The following CSMD1 variants were observed in gnomAD, a reference collection of about 807,000 sequenced individuals.
CSMD1 encodes the protein CUB and sushi domain-containing protein 1.
CSMD1 carries 213 observed loss-of-function variants against 417.5 expected under a neutral mutation model. The ratio of observed to expected loss-of-function variants is 0.51; its 90% CI spans 0.46 to 0.57. The LOEUF (loss-of-function observed/expected upper bound fraction) is 0.57, where lower values mean the gene tolerates loss of function less well. Ranked by LOEUF, CSMD1 falls within the 20% of genes least tolerant of loss-of-function variation. The pLI, the probability that CSMD1 is intolerant of heterozygous loss-of-function variation, is 0.00. For synonymous variants in CSMD1, 2,862 were observed against 1,736.8 expected (o/e 1.65, Z -16.11); for missense variants, 6,923 against 4,529.7 (o/e 1.53, Z -15.17).
At chr8:3,911,212 C>T (rs1167496823) in intron 5 of CSMD1, among the ~76,000 whole-genome samples, 1 of 152,184 alleles carries the variant, frequency 6.6e-6, no homozygotes, top group African/African-American at 2.4e-5. Flanking sequence ...ATGTCAGCAT[C>T]TCTCTTGAAT....
At chr8:4,333,531 CA>C (rs1479437710) in intron 3 of CSMD1, among the ~76,000 whole-genome samples, 9 of 152,130 alleles carry the variant, frequency 5.9e-5, no homozygotes. Flanking sequence ...AGTGCTTAAA[CA>C]GTGAAATCAT....
intron 3 of CSMD1, among the ~76,000 whole-genome samples, chr8:4,328,242 AT>A (rs3067534): frequency 0.12 from 14,952 of 124,222 alleles, 353 homozygotes; most frequent in Admixed American, 0.14. Context: ...ACTCAATACA[AT>A]TTTTTTTTTT....
chr8:4,322,719 G>A (rs1476368054), intron 3 of CSMD1, among the ~76,000 whole-genome samples: 1 of 152,352 alleles, frequency 6.6e-6, no homozygotes, highest in Non-Finnish European at 1.5e-5. Context: ...GTAGGGGCCA[G>A]GCACGGGGCT....
At chr8:4,214,769 T>G (rs1426319767) in intron 3 of CSMD1, among the ~76,000 whole-genome samples, 1 of 152,180 alleles carries the variant, frequency 6.6e-6, no homozygotes, top group Non-Finnish European at 1.5e-5. Flanking sequence ...CTCTAAATGC[T>G]GTGATGCACA....
At chr8:3,785,496 T>C (rs1799409443) in intron 5 of CSMD1, among the ~76,000 whole-genome samples, 1 of 152,160 alleles carries the variant, frequency 6.6e-6, no homozygotes, top group Admixed American at 6.5e-5. Flanking sequence ...TGTTGGAAAA[T>C]ACATTAACGG....
At chr8:4,635,268 T>C (rs982270401) in intron 2 of CSMD1, among the ~76,000 whole-genome samples, 2 of 152,198 alleles carry the variant, frequency 1.3e-5, no homozygotes, top group African/African-American at 4.8e-5. Flanking sequence ...GGTATCAATT[T>C]ATTTACTGTT....
At position 4,793,954 on chromosome 8, in the gene CSMD1, T is replaced by G. The variant is rs150204136; in HGVS notation, c.86-156396A>C. Among the ~76,000 whole-genome samples, 641 of 152,256 alleles carry G rather than the reference T, an allele frequency of 4.2e-3. 8 individuals carry two copies. Among genetic ancestry groups the G allele is most frequent in the African/African-American group, 0.015 (624 of 41,558 alleles). On this transcript the variant is annotated intron_variant, in intron 1 of 69. Coordinates refer to ENST00000635120, the MANE Select transcript of CSMD1 (RefSeq NM_033225.6). ...GGTTTGTGTGAAAATGAACTGGCACTTCTGTTAGGAATAGTTAACTACAAA... is the reference window on the plus strand; with the variant it reads ...GGTTTGTGTGAAAATGAACTGGCACGTCTGTTAGGAATAGTTAACTACAAA...
intron 6 of CSMD1, among the ~76,000 whole-genome samples, chr8:3,713,851 A>T (rs1313511792): frequency 6.6e-6 from 1 of 152,222 alleles, no homozygotes; most frequent in Non-Finnish European, 1.5e-5. Flanking sequence ...GGTGAAAAAT[A>T]TAAATCTTGT....
At chr8:4,394,669 C>G (rs533766214) in intron 3 of CSMD1, among the ~76,000 whole-genome samples, 10 of 152,228 alleles carry the variant, frequency 6.6e-5, no homozygotes, top group South Asian at 4.1e-4. Flanking sequence ...CTTTCTTTCC[C>G]TATTCCCTTG....
intron 5 of CSMD1, among the ~76,000 whole-genome samples, chr8:3,860,408 T>C (rs1202585350): frequency 6.6e-6 from 1 of 152,226 alleles, no homozygotes; most frequent in African/African-American, 2.4e-5. Context: ...ATGGACTCAA[T>C]GTTTCTATGT....
In CSMD1 at chr8:4,847,499, A is replaced by G. The variant is rs1478010193; in HGVS notation, c.85+146833T>C. Among the ~76,000 whole-genome samples the G allele has an allele frequency of 6.6e-5, 10 of 152,286 alleles. No homozygotes were observed. The East Asian group carries it at 1.7e-3, about 26-fold the overall frequency. On this transcript the variant is annotated intron_variant, in intron 1 of 69. Transcript: ENST00000635120. The stretch of plus-strand genomic sequence containing the variant: ...AATACCCGACTACCCCACTATTAAC[A>G]TGTTAAATTAGTGTCATACACTTGT...
chr8:4,849,841 T>C (rs371392456), intron 1 of CSMD1, among the ~76,000 whole-genome samples: 6 of 152,224 alleles, frequency 3.9e-5, no homozygotes, highest in African/African-American at 1.2e-4. Flanking sequence ...TATTTCCTCA[T>C]TGTTATGTAA....
At position 4,051,268 on chromosome 8, in the gene CSMD1, T is replaced by C. The variant is rs148594287; in HGVS notation, c.416-19169A>G. Among the ~76,000 whole-genome samples the C allele has an allele frequency of 2.4e-3, 349 of 147,106 alleles. 1 individual carries two copies. The highest frequency in any genetic ancestry group is 8.4e-3 in the African/African-American group (328 of 38,938). On this transcript the variant is annotated intron_variant, in intron 3 of 69. Transcript: ENST00000635120. Reference sequence around the variant, plus strand: ...GCTTCCTGGATTTCTTCAACAGTTTTACAAAGCCTGCACAAAAGCTCATCT... The same window carrying C: ...GCTTCCTGGATTTCTTCAACAGTTTCACAAAGCCTGCACAAAAGCTCATCT...
intron 61 of CSMD1, 50 bp downstream of exon 61, chr8:2,962,416 T>C (rs1803568536): frequency 6.6e-7 from 1 of 1,522,132 alleles, no homozygotes; most frequent in East Asian, 2.3e-5. Flanking sequence ...TGAAGCGTCC[T>C]CATCTCCAAA....
intron 1 of CSMD1, among the ~76,000 whole-genome samples, chr8:4,722,319 GA>G (rs5889057): frequency 0.017 from 2,656 of 152,150 alleles, 83 homozygotes; most frequent in African/African-American, 0.061. Context: ...TTTTGGTGAA[GA>G]AAATATATTT....
rs1001224346 is a variant in CSMD1 at position 4,271,240 on chromosome 8, G to A, written c.415+148713C>T. ...CAATGCGATATACACGAATCAGGGC[G>A]TAGTGGACACTCAGGACCATGAAGC... On this transcript the variant is annotated intron_variant, in intron 3 of 69. Transcript: ENST00000635120. Among the ~76,000 whole-genome samples, 31 of 152,130 alleles carry A rather than the reference G, an allele frequency of 2.0e-4. 1 individual carries two copies. The highest frequency in any genetic ancestry group is 6.2e-4 in the South Asian group (3 of 4,824).
At chr8:4,109,780 G>C (rs74706927) in intron 3 of CSMD1, among the ~76,000 whole-genome samples, 1 of 152,154 alleles carries the variant, frequency 6.6e-6, no homozygotes, top group African/African-American at 2.4e-5. Context: ...GATTTCTGTG[G>C]TCATTGACTG....
chr8:3,440,099 T>G (rs1814875103), intron 12 of CSMD1, among the ~76,000 whole-genome samples: 1 of 152,214 alleles, frequency 6.6e-6, no homozygotes, highest in Non-Finnish European at 1.5e-5. Context: ...CTTTTCCCAC[T>G]CAATTTTGTT....
chr8:3,631,051 G>A (rs146336359), intron 7 of CSMD1, among the ~76,000 whole-genome samples: 15 of 152,164 alleles, frequency 9.9e-5, no homozygotes, highest in Non-Finnish European at 1.2e-4. Context: ...TGCTCGTGCC[G>A]CTCCTTCCAC....
Sources: allele counts gnomAD v4.1 joint callset (sites outside exome capture counted in the v4.1 genomes callset), GRCh38; gene constraint gnomAD v4.1.1; transcripts MANE v1.5; gene names NCBI Gene and HGNC (gene_info 2026-07-23, HGNC 2026-07-21).